The following UGGT1 variants were observed in gnomAD, a reference collection of about 807,000 sequenced individuals.
The protein encoded by UGGT1 is UDP-glucose:glycoprotein glucosyltransferase 1.
In UGGT1, 107 loss-of-function variants were observed where a neutral mutation model predicts 203.9. The ratio of observed to expected loss-of-function variants is 0.52; its 90% CI spans 0.45 to 0.62. The LOEUF (loss-of-function observed/expected upper bound fraction) is 0.62, where lower values mean the gene tolerates loss of function less well. UGGT1 is among the 20% of genes least tolerant of loss of function. The pLI is 0.00. For synonymous variants in UGGT1, 628 were observed against 653.5 expected (o/e 0.96, Z 0.59); for missense variants, 1,673 against 1,867.2 (o/e 0.90, Z 1.92).
intron 1 of UGGT1, among the ~76,000 whole-genome samples, chr2:128,092,820 A>G (rs1187349851): frequency 6.6e-6 from 1 of 151,726 alleles, no homozygotes; most frequent in African/African-American, 2.4e-5. Flanking sequence ...CCTCCTACGG[A>G]TGGTTGTTGA....
At chr2:128,168,876 G>A (rs1297437195) in intron 26 of UGGT1, among the ~76,000 whole-genome samples, 1 of 150,888 alleles carries the variant, frequency 6.6e-6, no homozygotes, top group Non-Finnish European at 1.5e-5. Flanking sequence ...GCAAAACACC[G>A]TCTCTACTAA....
At chr2:128,164,908 A>T in intron 26 of UGGT1, 83 bp downstream of exon 26, 1 of 1,041,204 alleles carries the variant, frequency 9.6e-7, no homozygotes, top group Non-Finnish European at 1.4e-6. Flanking sequence ...TCATTTTTCC[A>T]TATAAGATTT....
intron 22 of UGGT1, among the ~76,000 whole-genome samples, chr2:128,158,402 T>G (rs1188650678): frequency 2.6e-5 from 4 of 152,204 alleles, no homozygotes; most frequent in African/African-American, 9.7e-5. Context: ...ACACTACGCC[T>G]CTTCCCTCTT....
intron 28 of UGGT1, 34 bp downstream of exon 28, chr2:128,171,318 A>G: frequency 6.4e-7 from 1 of 1,570,652 alleles, no homozygotes. Context: ...CAGTTGAAGA[A>G]ATTGTACTGA....
chr2:128,156,461 G>C (rs771275705), intron 21 of UGGT1, 46 bp downstream of exon 21: 3 of 1,438,148 alleles, frequency 2.1e-6, no homozygotes, highest in East Asian at 4.6e-5. Context: ...TTTCTTCTTT[G>C]GTTTCAGTGA....
intron 6 of UGGT1, among the ~76,000 whole-genome samples, chr2:128,114,151 T>G (rs983957326): frequency 3.3e-5 from 5 of 152,162 alleles, no homozygotes; most frequent in African/African-American, 9.7e-5. Flanking sequence ...AGAGTCTCGC[T>G]CTGTCGCCCA....
intron 20 of UGGT1, among the ~76,000 whole-genome samples, chr2:128,156,067 G>A (rs1312561825): frequency 6.6e-6 from 1 of 152,090 alleles, no homozygotes; most frequent in Non-Finnish European, 1.5e-5. Flanking sequence ...AGATTCTGTC[G>A]CCCTCGGGTC....
intron 18 of UGGT1, chr2:128,151,334 G>A: frequency 1.8e-6 from 1 of 545,668 alleles, no homozygotes; most frequent in South Asian, 1.6e-5. Flanking sequence ...CATGGCGCCT[G>A]CCACGCCTTC....
chr2:128,142,953 C>T, intron 16 of UGGT1, 141 bp from the exon 17 acceptor site: 4 of 862,724 alleles, frequency 4.6e-6, no homozygotes, highest in Non-Finnish European at 6.6e-6. Context: ...GCACTCCAAC[C>T]TGGGTGACAG....
At chr2:128,106,334 G>A (rs1041392973) in intron 3 of UGGT1, among the ~76,000 whole-genome samples, 4 of 151,904 alleles carry the variant, frequency 2.6e-5, no homozygotes, top group African/African-American at 9.7e-5. Flanking sequence ...TAAAGCTATA[G>A]GAGTATGAAT....
chr2:128,160,687 C>T (rs937630579), intron 24 of UGGT1, 96 bp downstream of exon 24: 1 of 1,474,242 alleles, frequency 6.8e-7, no homozygotes, highest in South Asian at 1.4e-5. Context: ...CAGAGCCACT[C>T]TTTTTTCAAA....
intron 19 of UGGT1, among the ~76,000 whole-genome samples, 179 bp downstream of exon 19, chr2:128,153,083 A>G (rs1690053492): frequency 6.7e-6 from 1 of 148,784 alleles, no homozygotes; most frequent in South Asian, 2.1e-4. Flanking sequence ...GAGATTCTAA[A>G]TTCACAAGAG....
At chr2:128,146,048 T>G in intron 18 of UGGT1, 81 bp downstream of exon 18, 1 of 1,536,900 alleles carries the variant, frequency 6.5e-7, no homozygotes, top group African/African-American at 1.4e-5. Flanking sequence ...GGCAGTAAAA[T>G]TCTTAGTATC....
chr2:128,170,937 A>G (rs1429534410), intron 27 of UGGT1, among the ~76,000 whole-genome samples: 2 of 152,072 alleles, frequency 1.3e-5, no homozygotes, highest in Non-Finnish European at 2.9e-5. Context: ...TAGTTTTTCC[A>G]TGATCTGCCT....
At chr2:128,189,452 C>T (rs977475554) in intron 40 of UGGT1, among the ~76,000 whole-genome samples, 3 of 152,094 alleles carry the variant, frequency 2.0e-5, no homozygotes, top group Non-Finnish European at 4.4e-5. Context: ...ATGCATGCAA[C>T]GTTTACTGAA....
At position 128,091,386 on chromosome 2, in the gene UGGT1, C is replaced by T; in HGVS notation, c.29C>T (p.Ala10Val). 1.3e-6 allele frequency: 2 copies of T among 1,576,578 alleles called. No homozygotes were observed. The highest frequency in any genetic ancestry group is 8.6e-7 in the Non-Finnish European group (1 of 1,161,284). ...GGCTGCAAGGGAGACGCGAGCGGTGCGTGTGCCGCGGGTGCGCTGCCGGTG... is the reference window on the plus strand; with the variant it reads ...GGCTGCAAGGGAGACGCGAGCGGTGTGTGTGCCGCGGGTGCGCTGCCGGTG... MGCKGDASG[A>V]CAAGALPVTG... Residue 10 changes from alanine to valine, a missense_variant, in exon 1 of 41, where the codon GCG becomes GTG. Physicochemically the swap from Ala to Val is moderately conservative, Grantham distance 64 (BLOSUM62 0). Around this residue, in one of 4 missense-constraint regions of UGGT1, gnomAD observed 83 missense variants for 87.2 expected, o/e 0.95. Transcript: ENST00000259253.
chr2:128,124,608 T>C (rs1688524530), intron 11 of UGGT1, among the ~76,000 whole-genome samples: 1 of 152,008 alleles, frequency 6.6e-6, no homozygotes, highest in Admixed American at 6.6e-5. Flanking sequence ...AAATATGTAT[T>C]TATTTATTTT....
intron 38 of UGGT1, 25 bp from the exon 39 acceptor site, chr2:128,186,658 T>A (rs778634756): frequency 6.4e-7 from 1 of 1,550,646 alleles, no homozygotes; most frequent in East Asian, 2.3e-5. Flanking sequence ...ATGTATTTTA[T>A]TTTTATTTTT....
intron 2 of UGGT1, among the ~76,000 whole-genome samples, chr2:128,101,588 A>G (rs1203704508): frequency 2.0e-5 from 3 of 152,246 alleles, no homozygotes; most frequent in African/African-American, 7.2e-5. Flanking sequence ...GTAGCATGTT[A>G]GAGGTATAAA....
Sources: allele counts gnomAD v4.1 joint callset (sites outside exome capture counted in the v4.1 genomes callset), GRCh38; gene constraint gnomAD v4.1.1; regional missense constraint gnomAD v4.1.1; transcripts MANE v1.5; gene names NCBI Gene and HGNC (gene_info 2026-07-23, HGNC 2026-07-21).